CAPZA2: variants seen among roughly 807,000 people sequenced by gnomAD.
The protein encoded by CAPZA2 is capping actin protein of muscle Z-line subunit alpha 2, also known as F-actin-capping protein subunit alpha-2.
A neutral mutation model predicts 44.0 loss-of-function variants in CAPZA2; 13 were observed. The observed-to-expected ratio is 0.30, with a 90% CI of 0.19 to 0.47. The LOEUF (loss-of-function observed/expected upper bound fraction) is 0.47, where lower values mean the gene tolerates loss of function less well. Among genes scored for constraint, CAPZA2 ranks in the 20% least tolerant of loss-of-function variants. The pLI, the probability that CAPZA2 is intolerant of heterozygous loss-of-function variation, is 1.00. For synonymous variants in CAPZA2, 94 were observed against 108.2 expected, an observed-to-expected ratio of 0.87 and a Z score of 0.81; for missense variants, 244 against 338.6, an observed-to-expected ratio of 0.72 and a Z score of 2.19.
At position 116,893,061 on chromosome 7, in the gene CAPZA2, C is replaced by A; in HGVS notation, c.155+16C>A. 6.6e-7 allele frequency: 1 copy of A among 1,514,468 alleles called. No homozygotes were observed. The highest frequency in any genetic ancestry group is 2.3e-5 in the East Asian group (1 of 43,286). The allele number at this position is 1,514,468 out of a possible 1,614,324, so 93.8% of individuals were successfully genotyped here. ...GAGCAGCCCAGTAAGTATTATTTAT[C>A]ATACTAACCTAACTAAAATGACATG... is the stretch of plus-strand genomic sequence containing the variant. On this transcript the variant is annotated intron_variant, in intron 3 of 9. Transcript: ENST00000361183.
chr7:116,893,033 A>G lies in CAPZA2; in HGVS notation c.143A>G (p.Glu48Gly). ...CTTAATAATGACAATCTTCTCAGGG[A>G]AGGAGCAGCCCAGTAAGTATTATTT... Reference protein sequence around the residue: ...LLLNNDNLLREGAAHAFAQYN... With the variant: ...LLLNNDNLLRGGAAHAFAQYN... The change falls in exon 3 of 10, where the codon GAA becomes GGA. Residue 48 changes from glutamate (E) to glycine (G), a missense_variant. By Grantham distance (98) the Glu-to-Gly change is moderately conservative. Transcript: ENST00000361183. The G allele has an allele frequency of 6.3e-7, 1 of 1,597,958 alleles. No individual in the cohort carries two copies. The highest frequency in any genetic ancestry group is 8.6e-7 in the Non-Finnish European group (1 of 1,168,924).
At chr7:116,899,338 G>A (rs1226734430) in intron 4 of CAPZA2, among the ~76,000 whole-genome samples, 1 of 151,688 alleles carries the variant, frequency 6.6e-6, no homozygotes, top group Non-Finnish European at 1.5e-5. Context: ...TTATATGAAT[G>A]CATTTCATGC....
intron 9 of CAPZA2, among the ~76,000 whole-genome samples, chr7:116,916,710 T>C (rs1372320767): frequency 6.6e-6 from 1 of 152,170 alleles, no homozygotes; most frequent in Non-Finnish European, 1.5e-5. Flanking sequence ...GAACCAGAAG[T>C]GTTTTAGATT....
intron 2 of CAPZA2, chr7:116,888,472 G>T: frequency 3.7e-6 from 1 of 270,198 alleles, no homozygotes; most frequent in Admixed American, 5.1e-5. Context: ...GAGTCTTTTT[G>T]GTAAATGGTT....
At chr7:116,899,947 T>G (rs1796974245) in intron 4 of CAPZA2, among the ~76,000 whole-genome samples, 1 of 151,656 alleles carries the variant, frequency 6.6e-6, no homozygotes, top group South Asian at 2.1e-4. Context: ...GATTTAGAGA[T>G]ATATCCAAAG....
intron 7 of CAPZA2, 79 bp downstream of exon 7, chr7:116,910,390 T>C (rs1279963893): frequency 2.7e-6 from 2 of 739,332 alleles, no homozygotes; most frequent in African/African-American, 1.8e-5. Flanking sequence ...TACATTTTCA[T>C]AGTATATCAT....
chr7:116,912,862 CT>C (rs1316405269), intron 8 of CAPZA2, among the ~76,000 whole-genome samples: 1 of 152,070 alleles, frequency 6.6e-6, no homozygotes, highest in Non-Finnish European at 1.5e-5. Context: ...TATGTTTAAC[CT>C]TTTGAAGAAC....
In CAPZA2 at chr7:116,899,643, T is replaced by C. The variant is rs1382280393; in HGVS notation, c.219+808T>C. On this transcript the variant is annotated intron_variant, in intron 4 of 9. Coordinates refer to ENST00000361183, the MANE Select transcript of CAPZA2 (RefSeq NM_006136.3). ...GTATTAATCTGCAAAATTTATTTTATCTCTGGGAAGATTTGGGTTTTTTTT... is the reference window on the plus strand; with the variant it reads ...GTATTAATCTGCAAAATTTATTTTACCTCTGGGAAGATTTGGGTTTTTTTT... Among the ~76,000 whole-genome samples, 5 of 123,404 alleles carry C rather than the reference T, an allele frequency of 4.1e-5. No homozygotes were observed. In the Admixed American group the frequency reaches 4.8e-4, roughly 12 times the overall value. 81.0% of individuals were successfully genotyped at this position (123,404 alleles called of 152,430 possible). A position where few individuals can be genotyped will look rare whatever the true frequency, so the allele number is the denominator to read the frequency against.
intron 3 of CAPZA2, 57 bp from the exon 4 acceptor site, chr7:116,898,714 TG>T (rs1167047991): frequency 8.6e-7 from 1 of 1,167,868 alleles, no homozygotes; most frequent in African/African-American, 1.6e-5. Flanking sequence ...TTTTGACCAT[TG>T]TTTTTAAAAA....
At chr7:116,883,087 A>G (rs891287435) in intron 1 of CAPZA2, among the ~76,000 whole-genome samples, 2 of 152,234 alleles carry the variant, frequency 1.3e-5, no homozygotes, top group Admixed American at 1.3e-4. Context: ...GGATAAGGAA[A>G]AAAAACATTT....
At chr7:116,892,395 T>C (rs1368629122) in intron 2 of CAPZA2, among the ~76,000 whole-genome samples, 1 of 152,224 alleles carries the variant, frequency 6.6e-6, no homozygotes, top group Non-Finnish European at 1.5e-5. Flanking sequence ...TTTTCTTTTA[T>C]GTTTTACAAA....
rs140912720 is a variant in CAPZA2, at chr7:116,905,253, C to T, written c.426+870C>T. On this transcript the variant is annotated intron_variant, in intron 5 of 9. Transcript: ENST00000361183. ...TACCCTGACAGGCTTTTTTAGCACCCCCAGTTTGTGCTTCAGTGGCCTTTT... is the reference window on the plus strand; with the variant it reads ...TACCCTGACAGGCTTTTTTAGCACCTCCAGTTTGTGCTTCAGTGGCCTTTT... Among the ~76,000 whole-genome samples the T allele has an allele frequency of 1.3e-4, 19 of 151,992 alleles. No homozygotes were observed. In the East Asian group the frequency reaches 3.5e-3, roughly 28 times the overall value.
intron 3 of CAPZA2, among the ~76,000 whole-genome samples, chr7:116,897,565 G>A (rs946483160): frequency 1.3e-5 from 2 of 152,070 alleles, no homozygotes; most frequent in Non-Finnish European, 2.9e-5. Context: ...TGGCCATCCC[G>A]AATAATCTGG....
Position 116,910,335 on chromosome 7 carries a change from G to T in CAPZA2, c.585+24G>T. On this transcript the variant is annotated intron_variant, in intron 7 of 9. Coordinates refer to ENST00000361183, the MANE Select transcript of CAPZA2 (RefSeq NM_006136.3). ...AGGTATGAAAAATAATTTGTTTACT[G>T]ATCTTTAGATGATTCTGAACAGAGA... 2.7e-6 allele frequency: 3 copies of T among 1,096,478 alleles called. No homozygotes were observed. The South Asian group carries it at 3.7e-5, about 14-fold the overall frequency. 67.9% of individuals were successfully genotyped at this position (1,096,478 alleles called of 1,614,324 possible).
In CAPZA2 at chr7:116,863,484, A is replaced by G. The variant is rs369408935; in HGVS notation, c.39+834A>G. On this transcript the variant is annotated intron_variant, in intron 1 of 9. Transcript: ENST00000361183. ...CTGTATATTAGATGCTGTGACAGCA[A>G]TGGAACCAGATGAACGACTTAAGTT... Among the ~76,000 whole-genome samples, 27 of 152,366 alleles carry G rather than the reference A, an allele frequency of 1.8e-4. No individual in the cohort carries two copies. In the South Asian group the frequency reaches 4.3e-3, roughly 25 times the overall value.
At chr7:116,914,025 AT>A (rs71148344) in intron 8 of CAPZA2, among the ~76,000 whole-genome samples, 20,830 of 131,860 alleles carry the variant, frequency 0.16, 936 homozygotes, top group East Asian at 0.25. Context: ...ATTAAAGAAA[AT>A]TTTTTTTTTT....
intron 9 of CAPZA2, among the ~76,000 whole-genome samples, chr7:116,917,043 C>T (rs1279793792): frequency 6.6e-6 from 1 of 152,062 alleles, no homozygotes; most frequent in Non-Finnish European, 1.5e-5. Flanking sequence ...TATTATTTAT[C>T]AGCTTCTAAA....
At chr7:116,878,897 G>A (rs1796653638) in intron 1 of CAPZA2, among the ~76,000 whole-genome samples, 2 of 151,842 alleles carry the variant, frequency 1.3e-5, no homozygotes, top group African/African-American at 4.8e-5. Context: ...GGAGGCCAAG[G>A]CTGGTGGATC....
At chr7:116,886,294 G>C (rs906610137) in intron 1 of CAPZA2, among the ~76,000 whole-genome samples, 2 of 152,144 alleles carry the variant, frequency 1.3e-5, no homozygotes, top group Non-Finnish European at 2.9e-5. Context: ...ACAAAATGCT[G>C]CTTCTCAAGT....
Sources: allele counts gnomAD v4.1 joint callset (sites outside exome capture counted in the v4.1 genomes callset), GRCh38; gene constraint gnomAD v4.1.1; transcripts MANE v1.5; gene names NCBI Gene and HGNC (gene_info 2026-07-23, HGNC 2026-07-21).